ABHD2: variants seen among roughly 807,000 people sequenced by gnomAD.
ABHD2 encodes the protein abhydrolase domain containing 2, acylglycerol lipase.
ABHD2 carries 20 observed loss-of-function variants against 48.1 expected under a neutral mutation model. The observed-to-expected ratio is 0.42, with a 90% CI of 0.29 to 0.60. The LOEUF (loss-of-function observed/expected upper bound fraction) is 0.60, where lower values mean the gene tolerates loss of function less well. Among genes scored for constraint, ABHD2 ranks in the 20% least tolerant of loss-of-function variants. The pLI is 0.24. For missense variants in ABHD2, 405 were observed against 550.9 expected (o/e 0.74, Z 2.65); for synonymous variants, 209 against 214.2 (o/e 0.98, Z 0.21).
At chr15:89,152,110 G>C (rs1002360874) in intron 4 of ABHD2, among the ~76,000 whole-genome samples, 64 of 149,502 alleles carry the variant, frequency 4.3e-4, no homozygotes, top group African/African-American at 1.5e-3. Flanking sequence ...GAGTCTCGCT[G>C]TGTCGCCCAG....
In ABHD2 at chr15:89,175,972, G is replaced by C. The variant is rs201540119; in HGVS notation, c.699G>C (p.Val233=). 1.2e-6 allele frequency: 2 copies of C among 1,611,982 alleles called. No homozygotes were observed. The highest frequency in any genetic ancestry group is 8.5e-7 in the Non-Finnish European group (1 of 1,178,852). The change falls in exon 6 of 11, where the codon GTG becomes GTC. Residue 233 remains valine, a synonymous_variant. Coordinates refer to ENST00000352732, the MANE Select transcript of ABHD2 (RefSeq NM_152924.5). The surrounding 1 kb of genome is among the most constrained non-coding windows in gnomAD (Gnocchi z 5.7). ...AGAAGGTCCTGTGCTGCGTCAGCGT[G>C]TGCCAGGGGTACAGTGCACTGAGGT... is the stretch of plus-strand genomic sequence containing the variant. The part of the protein sequence containing the change: ...NQEKVLCCVS[V]CQGYSALRAQ...
chr15:89,098,862 TAA>T (rs751275904), intron 1 of ABHD2, among the ~76,000 whole-genome samples: 1 of 152,246 alleles, frequency 6.6e-6, no homozygotes, highest in African/African-American at 2.4e-5. Flanking sequence ...AAAGAGCTTA[TAA>T]GAGGAATGCA....
chr15:89,142,336 AG>A (rs1158964896), intron 3 of ABHD2, among the ~76,000 whole-genome samples: 3 of 152,242 alleles, frequency 2.0e-5, no homozygotes, highest in Non-Finnish European at 4.4e-5. Context: ...CAAAGAAAAA[AG>A]GTAAATAAAT....
chr15:89,148,595 G>A (rs1222464399), intron 3 of ABHD2, among the ~76,000 whole-genome samples: 1 of 152,188 alleles, frequency 6.6e-6, no homozygotes, highest in Non-Finnish European at 1.5e-5. Context: ...AGTGCCTTCT[G>A]TATGCCCTCT....
chr15:89,110,389 A>T (rs1287110534), intron 1 of ABHD2, among the ~76,000 whole-genome samples: 2 of 151,874 alleles, frequency 1.3e-5, no homozygotes, highest in Admixed American at 6.6e-5. Flanking sequence ...AAAAATTTTC[A>T]TCTGATTGGT....
chr15:89,189,979 C>T lies in ABHD2; in HGVS notation c.927-1101C>T, dbSNP rs560233508. Among the ~76,000 whole-genome samples the T allele has an allele frequency of 1.3e-4, 20 of 152,238 alleles. No individual in the cohort carries two copies. Among genetic ancestry groups the T allele is most frequent in the South Asian group, 2.1e-4 (1 of 4,808 alleles). ...ACTGGAGGGATGGAACAATGCATTT[C>T]CTGCCTGCTGAGACTGCAAACGAAC... On this transcript the variant is annotated intron_variant, in intron 8 of 10. Coordinates refer to ENST00000352732, the MANE Select transcript of ABHD2 (RefSeq NM_152924.5). This position sits in a 1 kb window ranked among gnomAD's most constrained non-coding sequence, Gnocchi z 4.9.
Position 89,195,339 on chromosome 15 carries a change from G to T in ABHD2, c.1194G>T (p.Val398=), listed in dbSNP as rs751924197. 6.2e-7 allele frequency: 1 copy of T among 1,614,240 alleles called. No individual in the cohort carries two copies. The highest frequency in any genetic ancestry group is 1.3e-5 in the African/African-American group (1 of 75,070). Residue 398 remains valine (V), a synonymous_variant, in exon 11 of 11, where the codon GTG becomes GTT. Transcript: ENST00000352732. The surrounding 1 kb of genome is among the most constrained non-coding windows in gnomAD (Gnocchi z 5.1). ...TGACATGGATGGATAAGCTGGTGGT[G>T]GAGTACGCCAACGCCATTTGCCAAT... ...EPLTWMDKLV[V]EYANAICQWE...
the ABHD2 span, among the ~76,000 whole-genome samples, chr15:89,069,674 CTTTTTTTTTTT>C: frequency 3.8e-5 from 2 of 52,898 alleles, no homozygotes; most frequent in Admixed American, 3.1e-4. Flanking sequence ...TTCATTTACT[CTTTTTTTTTTT>C]TTTTTTTTTT....
the ABHD2 span, among the ~76,000 whole-genome samples, chr15:89,077,947 T>C: frequency 1.3e-5 from 2 of 152,224 alleles, no homozygotes; most frequent in African/African-American, 4.8e-5. Context: ...GCCTCTCCCC[T>C]GCTTACCAAT....
At chr15:89,052,345 A>G in the ABHD2 span, among the ~76,000 whole-genome samples, 6 of 152,322 alleles carry the variant, frequency 3.9e-5, no homozygotes, top group South Asian at 2.1e-4. Context: ...GTGTAATTAC[A>G]TATTAGAGTA....
intron 3 of ABHD2, among the ~76,000 whole-genome samples, chr15:89,118,723 C>A (rs910590507): frequency 2.6e-5 from 4 of 152,136 alleles, no homozygotes; most frequent in Non-Finnish European, 5.9e-5. Context: ...ATTGCCCAGG[C>A]TCCAGAAAAA....
rs4032279 is a variant in ABHD2 at position 89,146,355 on chromosome 15, CGT to C, written c.195-5279_195-5278del. 0.092 allele frequency among the ~76,000 whole-genome samples: 11,177 copies of C among 121,432 alleles called. 522 individuals are homozygous for C. Among genetic ancestry groups the C allele is most frequent in the African/African-American group, 0.11 (3,546 of 31,856 alleles). 79.7% of individuals were successfully genotyped at this position (121,432 alleles called of 152,430 possible). A position where few individuals can be genotyped will look rare whatever the true frequency, so the allele number is the denominator to read the frequency against. ...TGAGCTTCATCTGCTCAAAGACGTA[CGT>C]GTGTGTGTGTGTGTGTGTGTGTGTG... On this transcript the variant is annotated intron_variant, in intron 3 of 10. Coordinates refer to ENST00000352732, the MANE Select transcript of ABHD2 (RefSeq NM_152924.5). This position sits in a 1 kb window ranked among gnomAD's most constrained non-coding sequence, Gnocchi z 4.2.
chr15:89,161,046 ACTC>A (rs2050754706), intron 5 of ABHD2, among the ~76,000 whole-genome samples: 1 of 151,862 alleles, frequency 6.6e-6, no homozygotes, highest in South Asian at 2.1e-4. Context: ...ACCTAAAAGA[ACTC>A]CTAGTTCTCT....
chr15:89,186,737 G>A lies in ABHD2; in HGVS notation c.815+1221G>A, dbSNP rs544041180. Among the ~76,000 whole-genome samples, 23 of 152,122 alleles carry A rather than the reference G, an allele frequency of 1.5e-4. No individual in the cohort carries two copies. Among genetic ancestry groups the A allele is most frequent in the Non-Finnish European group, 3.1e-4 (21 of 68,026 alleles). On this transcript the variant is annotated intron_variant, in intron 7 of 10. Transcript: ENST00000352732. This position sits in a 1 kb window ranked among gnomAD's most constrained non-coding sequence, Gnocchi z 4.3. ...ACCCGTTCGCTCAAAAAAATTTGGGGGATTTTTGGTATCACCCTAGAAAAA... is the reference window on the plus strand; with the variant it reads ...ACCCGTTCGCTCAAAAAAATTTGGGAGATTTTTGGTATCACCCTAGAAAAA...
chr15:89,193,109 C>G (rs2051334331), intron 9 of ABHD2, 126 bp from the exon 10 acceptor site: 2 of 827,956 alleles, frequency 2.4e-6, no homozygotes, highest in Non-Finnish European at 4.0e-6. Context: ...ACCTGTTCAG[C>G]AAGCTGAGCT....
At chr15:89,093,455 G>T (rs1187106723) in intron 1 of ABHD2, among the ~76,000 whole-genome samples, 1 of 152,058 alleles carries the variant, frequency 6.6e-6, no homozygotes, top group African/African-American at 2.4e-5. Context: ...ACAGACGTGA[G>T]CCACCGTGCC....
chr15:89,114,529 C>T lies in ABHD2; in HGVS notation c.-7+705C>T, dbSNP rs549235201. On this transcript the variant is annotated intron_variant, in intron 2 of 10. Transcript: ENST00000352732. This position sits in a 1 kb window ranked among gnomAD's most constrained non-coding sequence, Gnocchi z 4.2. ...ACGGCGTTTCGCTCTTGTCCCCAGGCTGGAGTGCAGTGGTGTGATCTTGGC... is the reference window on the plus strand; with the variant it reads ...ACGGCGTTTCGCTCTTGTCCCCAGGTTGGAGTGCAGTGGTGTGATCTTGGC... 6.6e-6 allele frequency among the ~76,000 whole-genome samples: 1 copy of T among 152,264 alleles called. No homozygotes were observed. The highest frequency in any genetic ancestry group is 1.9e-4 in the East Asian group (1 of 5,180).
intron 3 of ABHD2, among the ~76,000 whole-genome samples, chr15:89,122,878 G>C (rs533929218): frequency 6.6e-6 from 1 of 152,182 alleles, no homozygotes; most frequent in Non-Finnish European, 1.5e-5. Flanking sequence ...TGGAGGACTT[G>C]GCTAATAGGC....
chr15:89,068,803 C>G, the ABHD2 span, among the ~76,000 whole-genome samples: 1 of 106,114 alleles, frequency 9.4e-6, no homozygotes, highest in Non-Finnish European at 1.7e-5. Context: ...GAGTCTCTCT[C>G]TGTTGCCCAG....
Sources: gnomAD v4.1 joint callset for allele counts (sites outside exome capture counted in the v4.1 genomes callset) on GRCh38, gnomAD v4.1.1 for gene constraint, Gnocchi (gnomAD v3.1) non-coding constraint, MANE v1.5 for transcripts, NCBI Gene and HGNC (gene_info 2026-07-23, HGNC 2026-07-21) for gene names.